The following NOS1AP variants were observed in gnomAD, a reference collection of about 807,000 sequenced individuals.
The protein encoded by NOS1AP is carboxyl-terminal PDZ ligand of neuronal nitric oxide synthase protein.
A neutral mutation model predicts 56.2 loss-of-function variants in NOS1AP; 21 were observed. The observed-to-expected ratio is 0.37, with a 90% CI of 0.26 to 0.54. The LOEUF (loss-of-function observed/expected upper bound fraction) is 0.54, where lower values mean the gene tolerates loss of function less well. Among genes scored for constraint, NOS1AP ranks in the 20% least tolerant of loss-of-function variants. The pLI is 0.84. For synonymous variants in NOS1AP, 270 were observed against 274.6 expected, an observed-to-expected ratio of 0.98 and a Z score of 0.17; for missense variants, 522 against 657.8, an observed-to-expected ratio of 0.79 and a Z score of 2.26.
chr1:162,194,368 T>C (rs1651735227), intron 2 of NOS1AP, among the ~76,000 whole-genome samples: 1 of 152,140 alleles, frequency 6.6e-6, no homozygotes, highest in Non-Finnish European at 1.5e-5. Flanking sequence ...CTCTGTAGGT[T>C]GTGAGTTTGC....
At position 162,120,767 on chromosome 1, in the gene NOS1AP, G is replaced by T. The variant is rs139158036; in HGVS notation, c.106-33638G>T. On this transcript the variant is annotated intron_variant, in intron 1 of 9. Coordinates refer to ENST00000361897, the MANE Select transcript of NOS1AP (RefSeq NM_014697.3). ...TTACGGGAGCTACAATTCAAGATGA[G>T]ATTTGGGTGGAGACACAGCCAAACC... Among the ~76,000 whole-genome samples, 1,019 of 152,298 alleles carry T rather than the reference G, an allele frequency of 6.7e-3. 7 individuals are homozygous for T. The highest frequency in any genetic ancestry group is 0.011 in the Non-Finnish European group (724 of 68,026).
At chr1:162,285,277 TTG>T (rs931044043) in intron 2 of NOS1AP, among the ~76,000 whole-genome samples, 3 of 151,930 alleles carry the variant, frequency 2.0e-5, no homozygotes, top group African/African-American at 7.3e-5. Flanking sequence ...AGCTGGAAGG[TTG>T]TGTTTATTAA....
At position 162,232,760 on chromosome 1, in the gene NOS1AP, A is replaced by G. The variant is rs554015675; in HGVS notation, c.178-54584A>G. 2.7e-4 allele frequency among the ~76,000 whole-genome samples: 22 copies of G among 80,104 alleles called. No homozygotes were observed. The East Asian group carries it at 0.011, about 39-fold the overall frequency. 52.6% of individuals were successfully genotyped at this position (80,104 alleles called of 152,430 possible). A position where few individuals can be genotyped will look rare whatever the true frequency, so the allele number is the denominator to read the frequency against. On this transcript the variant is annotated intron_variant, in intron 2 of 9. Transcript: ENST00000361897. Reference sequence around the variant, plus strand: ...TTTAAAGCAAATAGTTATTTGCTTTATTATGTACCTATTATGTACCTATTA... The same window carrying G: ...TTTAAAGCAAATAGTTATTTGCTTTGTTATGTACCTATTATGTACCTATTA...
intron 4 of NOS1AP, among the ~76,000 whole-genome samples, chr1:162,309,852 A>G (rs1158622170): frequency 1.3e-5 from 2 of 152,238 alleles, no homozygotes; most frequent in Non-Finnish European, 2.9e-5. Flanking sequence ...AAGGTTTTTA[A>G]AGTATGTGTA....
At chr1:162,124,733 GC>G (rs1421156847) in intron 1 of NOS1AP, among the ~76,000 whole-genome samples, 6 of 152,236 alleles carry the variant, frequency 3.9e-5, no homozygotes, top group Admixed American at 3.9e-4. Context: ...ATGTTGGGCA[GC>G]CTGGTCTCGA....
At chr1:162,101,433 T>C (rs1647258704) in intron 1 of NOS1AP, among the ~76,000 whole-genome samples, 1 of 152,254 alleles carries the variant, frequency 6.6e-6, no homozygotes, top group South Asian at 2.1e-4. Flanking sequence ...TTCAGTTACA[T>C]GTGAATTTTA....
intron 8 of NOS1AP, among the ~76,000 whole-genome samples, chr1:162,361,487 A>G (rs761018400): frequency 7.9e-5 from 12 of 152,188 alleles, no homozygotes; most frequent in Non-Finnish European, 1.5e-4. Context: ...TTGTCTCAGT[A>G]TGGCCTGGTT....
intron 1 of NOS1AP, among the ~76,000 whole-genome samples, chr1:162,103,604 A>G (rs1647390265): frequency 6.6e-6 from 1 of 152,078 alleles, no homozygotes; most frequent in Non-Finnish European, 1.5e-5. Flanking sequence ...TGCTTTATGA[A>G]TCTGGGTAGT....
intron 2 of NOS1AP, among the ~76,000 whole-genome samples, chr1:162,231,937 T>C (rs1653136471): frequency 6.6e-6 from 1 of 152,220 alleles, no homozygotes; most frequent in South Asian, 2.1e-4. Context: ...ATGGTTATCT[T>C]TGGGAATTAG....
At chr1:162,113,710 G>A (rs972909922) in intron 1 of NOS1AP, among the ~76,000 whole-genome samples, 10 of 152,052 alleles carry the variant, frequency 6.6e-5, no homozygotes, top group African/African-American at 2.4e-4. Context: ...AGCACCAAAT[G>A]GGGAAATCCG....
At chr1:162,208,134 A>G (rs778898949) in intron 2 of NOS1AP, among the ~76,000 whole-genome samples, 12 of 151,968 alleles carry the variant, frequency 7.9e-5, no homozygotes, top group Non-Finnish European at 1.2e-4. Context: ...ATGCTATTGG[A>G]GCCCCTCAGC....
intron 1 of NOS1AP, among the ~76,000 whole-genome samples, chr1:162,138,469 C>T (rs1649096270): frequency 6.6e-6 from 1 of 152,146 alleles, no homozygotes; most frequent in African/African-American, 2.4e-5. Flanking sequence ...TTGTGTTATA[C>T]CCTTGCATAG....
intron 2 of NOS1AP, among the ~76,000 whole-genome samples, chr1:162,199,595 C>T (rs969293735): frequency 3.0e-5 from 4 of 131,588 alleles, no homozygotes; most frequent in African/African-American, 5.8e-5. Context: ...GCATGGATTG[C>T]GTGTGTGTGT....
chr1:162,240,685 T>G (rs1653463230), intron 2 of NOS1AP, among the ~76,000 whole-genome samples: 1 of 152,230 alleles, frequency 6.6e-6, no homozygotes, highest in Admixed American at 6.5e-5. Flanking sequence ...AGGTACACTG[T>G]GGAATGTATA....
At chr1:162,217,266 G>GTTTTTTTTTTTTT (rs1557836281) in intron 2 of NOS1AP, among the ~76,000 whole-genome samples, 3 of 18,288 alleles carry the variant, frequency 1.6e-4, no homozygotes, top group African/African-American at 4.6e-4. Context: ...GCTGTTGTTA[G>GTTTTTTTTTTTTT]CTTTTTTTTT....
chr1:162,216,389 T>G (rs1326996347), intron 2 of NOS1AP, among the ~76,000 whole-genome samples: 2 of 152,242 alleles, frequency 1.3e-5, no homozygotes, highest in Non-Finnish European at 2.9e-5. Flanking sequence ...GCAGTGCTAC[T>G]GTTGTGGGGA....
chr1:162,175,552 A>G (rs910954384), intron 2 of NOS1AP, among the ~76,000 whole-genome samples: 1 of 151,936 alleles, frequency 6.6e-6, no homozygotes. Flanking sequence ...TGAATCCAGC[A>G]TTTCTGCAAA....
chr1:162,273,328 T>A (rs1654641991), intron 2 of NOS1AP, among the ~76,000 whole-genome samples: 1 of 151,762 alleles, frequency 6.6e-6, no homozygotes, highest in Admixed American at 6.5e-5. Context: ...CACACCCGGC[T>A]AATTTTTTTT....
chr1:162,272,414 A>G (rs1387091819), intron 2 of NOS1AP, among the ~76,000 whole-genome samples: 1 of 152,094 alleles, frequency 6.6e-6, no homozygotes, highest in Non-Finnish European at 1.5e-5. Flanking sequence ...AAACACATAG[A>G]TTTCCTGTGT....
Sources: allele counts gnomAD v4.1 joint callset (sites outside exome capture counted in the v4.1 genomes callset), GRCh38; gene constraint gnomAD v4.1.1; transcripts MANE v1.5; gene names NCBI Gene and HGNC (gene_info 2026-07-23, HGNC 2026-07-21).